GRID2: variants seen among roughly 807,000 people sequenced by gnomAD.
GRID2 encodes the protein glutamate ionotropic receptor delta type subunit 2, also known as glutamate receptor ionotropic, delta-2.
GRID2 carries 33 observed loss-of-function variants against 114.8 expected under a neutral mutation model. The observed-to-expected ratio is 0.29, with a 90% CI of 0.22 to 0.38. GRID2 has a LOEUF of 0.38. Among genes scored for constraint, GRID2 ranks in the 10% least tolerant of loss-of-function variants. GRID2 has a pLI of 1.00. For missense variants in GRID2, 1,184 were observed against 1,257.7 expected, an observed-to-expected ratio of 0.94 and a Z score of 0.89; for synonymous variants, 505 against 449.9, an observed-to-expected ratio of 1.12 and a Z score of -1.55.
intron 8 of GRID2, among the ~76,000 whole-genome samples, chr4:93,317,535 A>G (rs1237303338): frequency 6.6e-6 from 1 of 152,200 alleles, no homozygotes; most frequent in East Asian, 1.9e-4. Context: ...GTCTGCCACA[A>G]TTCTAATAAT....
At chr4:92,787,304 T>C (rs1196448071) in intron 2 of GRID2, among the ~76,000 whole-genome samples, 1 of 151,912 alleles carries the variant, frequency 6.6e-6, no homozygotes, top group Non-Finnish European at 1.5e-5. Flanking sequence ...TACAAGACTA[T>C]AAATGTTATG....
chr4:93,624,989 T>C (rs1268791163), intron 13 of GRID2, among the ~76,000 whole-genome samples: 1 of 151,998 alleles, frequency 6.6e-6, no homozygotes, highest in Non-Finnish European at 1.5e-5. Flanking sequence ...CACCAGGGAG[T>C]TTTCTTCTAA....
chr4:92,884,568 G>C (rs1482273793), intron 2 of GRID2: 6 of 155,950 alleles, frequency 3.8e-5, no homozygotes, highest in African/African-American at 1.4e-4. Flanking sequence ...TAAGGGATGT[G>C]CAGTTCTTCC....
intron 12 of GRID2, among the ~76,000 whole-genome samples, chr4:93,493,173 A>G (rs770138003): frequency 6.6e-6 from 1 of 151,854 alleles, no homozygotes; most frequent in Non-Finnish European, 1.5e-5. Flanking sequence ...GTATCCTTAA[A>G]GCTCAAAATT....
chr4:92,694,245 A>C (rs1734320892), intron 2 of GRID2, among the ~76,000 whole-genome samples: 2 of 152,118 alleles, frequency 1.3e-5, no homozygotes, highest in South Asian at 4.1e-4. Flanking sequence ...CTTGTTAGAA[A>C]AGGGACATGA....
At chr4:92,449,794 A>G (rs1187776690) in intron 1 of GRID2, among the ~76,000 whole-genome samples, 1 of 149,504 alleles carries the variant, frequency 6.7e-6, no homozygotes, top group Non-Finnish European at 1.5e-5. Flanking sequence ...CATTATATTT[A>G]ATTTTTAAGT....
intron 14 of GRID2, among the ~76,000 whole-genome samples, chr4:93,698,744 GTATTCTTCACCACAT>G (rs1727258625): frequency 6.6e-6 from 1 of 151,940 alleles, no homozygotes; most frequent in African/African-American, 2.4e-5. Flanking sequence ...AACTTCAAAA[GTATTCTTCACCACAT>G]TATTTAAGGA....
At chr4:92,774,894 T>C (rs1047519756) in intron 2 of GRID2, among the ~76,000 whole-genome samples, 1 of 152,140 alleles carries the variant, frequency 6.6e-6, no homozygotes, top group African/African-American at 2.4e-5. Context: ...CTAAATACTT[T>C]AGTTTGATTT....
intron 2 of GRID2, among the ~76,000 whole-genome samples, chr4:93,081,266 A>G (rs1471558838): frequency 6.6e-6 from 1 of 152,200 alleles, no homozygotes; most frequent in Non-Finnish European, 1.5e-5. Flanking sequence ...GATGCTACCA[A>G]AAAATATTTC....
At chr4:93,140,409 A>C (rs937493259) in intron 4 of GRID2, among the ~76,000 whole-genome samples, 2 of 151,944 alleles carry the variant, frequency 1.3e-5, no homozygotes, top group Non-Finnish European at 2.9e-5. Flanking sequence ...CCGCCTGCCT[A>C]GGCCTCCCAA....
intron 2 of GRID2, among the ~76,000 whole-genome samples, chr4:92,949,668 T>C (rs547404552): frequency 6.6e-6 from 1 of 151,686 alleles, no homozygotes; most frequent in South Asian, 2.1e-4. Context: ...TTTCAGTGGC[T>C]GGCACATTCT....
chr4:92,392,214 A>G (rs114425005), intron 1 of GRID2, among the ~76,000 whole-genome samples: 2,632 of 152,226 alleles, frequency 0.017, 31 homozygotes, highest in Non-Finnish European at 0.026. Context: ...TAAATTTGAC[A>G]CATGATAACC....
intron 4 of GRID2, among the ~76,000 whole-genome samples, chr4:93,199,196 C>T (rs1256966952): frequency 6.6e-6 from 1 of 152,114 alleles, no homozygotes; most frequent in Non-Finnish European, 1.5e-5. Flanking sequence ...CCAGGAAAAC[C>T]CCAATGCCAG....
chr4:92,805,633 G>GTTTA (rs1740372699), intron 2 of GRID2, among the ~76,000 whole-genome samples: 1 of 151,882 alleles, frequency 6.6e-6, no homozygotes, highest in African/African-American at 2.4e-5. Context: ...ATTATACGGT[G>GTTTA]TTTAAAGGAA....
chr4:92,769,463 C>G (rs531408012), intron 2 of GRID2, among the ~76,000 whole-genome samples: 9 of 152,178 alleles, frequency 5.9e-5, no homozygotes, highest in African/African-American at 2.2e-4. Flanking sequence ...TCCAGCTGCA[C>G]TAGGTGGTGC....
intron 2 of GRID2, among the ~76,000 whole-genome samples, chr4:92,944,920 T>G (rs1352791190): frequency 6.6e-6 from 1 of 152,166 alleles, no homozygotes; most frequent in Non-Finnish European, 1.5e-5. Flanking sequence ...CAGTTATGCA[T>G]GGGATATAAG....
At chr4:92,701,596 G>A (rs1009727984) in intron 2 of GRID2, among the ~76,000 whole-genome samples, 1 of 151,990 alleles carries the variant, frequency 6.6e-6, no homozygotes, top group Non-Finnish European at 1.5e-5. Context: ...TTCTATCTAC[G>A]ATGTGTGATG....
chr4:93,634,016 A>G (rs1031113945), intron 14 of GRID2, among the ~76,000 whole-genome samples: 5 of 152,178 alleles, frequency 3.3e-5, no homozygotes, highest in Non-Finnish European at 7.4e-5. Flanking sequence ...ACATAAAACC[A>G]GAAGTTAAAC....
chr4:92,849,936 A>G (rs989602915), intron 2 of GRID2, among the ~76,000 whole-genome samples: 1 of 151,722 alleles, frequency 6.6e-6, no homozygotes, highest in African/African-American at 2.4e-5. Context: ...AAAGCAATTA[A>G]AGATTATAAT....
Sources: allele counts gnomAD v4.1 joint callset (sites outside exome capture counted in the v4.1 genomes callset), GRCh38; gene constraint gnomAD v4.1.1; transcripts MANE v1.5; gene names NCBI Gene and HGNC (gene_info 2026-07-23, HGNC 2026-07-21).